Variants in ADAM22 observed in about 807,000 individuals in gnomAD.
ADAM22 encodes the protein ADAM metallopeptidase domain 22, also known as disintegrin and metalloproteinase domain-containing protein 22.
Under a neutral mutation model 144.6 loss-of-function variants are expected in ADAM22, and 65 were observed. That is an observed-to-expected ratio of 0.45 (90% confidence interval 0.37 to 0.55). The LOEUF (loss-of-function observed/expected upper bound fraction) is 0.55. Ranked by LOEUF, ADAM22 falls within the 20% of genes least tolerant of loss-of-function variation. The pLI is 0.00. For synonymous variants in ADAM22, 391 were observed against 412.6 expected, an observed-to-expected ratio of 0.95 and a Z score of 0.63; for missense variants, 974 against 1,184.9, an observed-to-expected ratio of 0.82 and a Z score of 2.61.
chr7:88,146,816 C>G (rs1398459857), intron 17 of ADAM22, among the ~76,000 whole-genome samples: 2 of 152,162 alleles, frequency 1.3e-5, no homozygotes. Context: ...TCTGTTGTTT[C>G]CACTCTACCA....
In ADAM22 at chr7:88,079,830, C is replaced by G. The variant is rs1250571444; in HGVS notation, c.390+4138C>G. On this transcript the variant is annotated intron_variant, in intron 4 of 31. Coordinates refer to ENST00000413139, the MANE Select transcript of ADAM22 (RefSeq NM_001324418.2). ...AATATATATGCACTCAATACAGGAG[C>G]ACCCAGATGCATAAAGCAAGTCCTG... Among the ~76,000 whole-genome samples, 7 of 152,264 alleles carry G rather than the reference C, an allele frequency of 4.6e-5. No individual in the cohort carries two copies. The South Asian group carries it at 1.4e-3, about 32-fold the overall frequency.
At chr7:87,969,519 G>T (rs1849931479) in intron 2 of ADAM22, among the ~76,000 whole-genome samples, 1 of 152,178 alleles carries the variant, frequency 6.6e-6, no homozygotes, top group African/African-American at 2.4e-5. Flanking sequence ...CTTTCCCAGA[G>T]CCTGGTATGA....
At chr7:87,939,384 G>T (rs1370877782) in intron 2 of ADAM22, among the ~76,000 whole-genome samples, 1 of 152,188 alleles carries the variant, frequency 6.6e-6, no homozygotes, top group East Asian at 1.9e-4. Flanking sequence ...TTCATGACTT[G>T]CTGAGGAATT....
In ADAM22 at chr7:88,051,708, A is replaced by G. The variant is rs1253833158; in HGVS notation, c.324-23918A>G. 2.1e-5 allele frequency among the ~76,000 whole-genome samples: 3 copies of G among 145,566 alleles called. No individual in the cohort carries two copies. The East Asian group carries it at 5.9e-4, about 29-fold the overall frequency. Reference sequence around the variant, plus strand: ...CAGAACTTAAAGTATAATAATAAATAAAAAAAAAAAGAATGTGGTTTTTCA... The same window carrying G: ...CAGAACTTAAAGTATAATAATAAATGAAAAAAAAAAGAATGTGGTTTTTCA... On this transcript the variant is annotated intron_variant, in intron 3 of 31. Transcript: ENST00000413139.
At chr7:88,031,916 G>A (rs895681614) in intron 3 of ADAM22, among the ~76,000 whole-genome samples, 18 of 152,238 alleles carry the variant, frequency 1.2e-4, no homozygotes, top group African/African-American at 3.9e-4. Context: ...GAGCTGCCAA[G>A]CCTTCCAGAT....
In ADAM22 at chr7:88,197,201, A is replaced by G. The variant is rs1850776927; in HGVS notation, c.*710A>G. 1 of 152,370 alleles carries G rather than the reference A, an allele frequency of 6.6e-6. No individual in the cohort carries two copies. The highest frequency in any genetic ancestry group is 2.4e-5 in the African/African-American group (1 of 41,464). The allele number at this position is 152,370 out of a possible 1,614,324, so 9.4% of individuals were successfully genotyped here. On this transcript the variant is annotated 3_prime_UTR_variant, in exon 32 of 32. Coordinates refer to ENST00000413139, the MANE Select transcript of ADAM22 (RefSeq NM_001324418.2). ...CTAAAAATTCCGTCACAATCACATC[A>G]TCGTCATCCATCCAGTGATCTTCAA...
chr7:87,944,935 G>T (rs1009381448), intron 2 of ADAM22, among the ~76,000 whole-genome samples: 1 of 137,936 alleles, frequency 7.2e-6, no homozygotes, highest in Non-Finnish European at 1.5e-5. Context: ...ATATGTGTGT[G>T]TTTTTTTCTT....
rs10527361 is a variant in ADAM22, at chr7:87,982,699, A to ATATATATATATATATATATATATATAT, written c.323+4287_323+4288insTATATATATATATATATATATATATAT. Among the ~76,000 whole-genome samples, 52 of 62,862 alleles carry ATATATATATATATATATATATATATAT rather than the reference A, an allele frequency of 8.3e-4. 2 individuals carry two copies. The highest frequency in any genetic ancestry group is 1.2e-3 in the Non-Finnish European group (40 of 34,046). 41.2% of individuals were successfully genotyped at this position (62,862 alleles called of 152,430 possible). On this transcript the variant is annotated intron_variant, in intron 3 of 31. Coordinates refer to ENST00000413139, the MANE Select transcript of ADAM22 (RefSeq NM_001324418.2). ...TATATATATATATATATATATATATAATTTTTTTTTTTGAGATACAGTTTT... is the reference window on the plus strand; with the variant it reads ...TATATATATATATATATATATATATATATATATATATATATATATATATATATATTTTTTTTTTTGAGATACAGTTTT...
chr7:88,035,363 C>T (rs1356662019), intron 3 of ADAM22, among the ~76,000 whole-genome samples: 2 of 152,202 alleles, frequency 1.3e-5, no homozygotes, highest in Admixed American at 1.3e-4. Flanking sequence ...CAGCTTATCC[C>T]ACATTTAGCA....
intron 22 of ADAM22, among the ~76,000 whole-genome samples, chr7:88,161,818 C>CA (rs1210411901): frequency 2.0e-5 from 3 of 151,862 alleles, no homozygotes; most frequent in African/African-American, 7.3e-5. Flanking sequence ...AACATGCTGG[C>CA]AAGGTCGCAG....
At chr7:87,957,548 G>T (rs1286016479) in intron 2 of ADAM22, among the ~76,000 whole-genome samples, 1 of 151,886 alleles carries the variant, frequency 6.6e-6, no homozygotes, top group Admixed American at 6.6e-5. Flanking sequence ...TCTTGCAACT[G>T]GTGTGCATCC....
In ADAM22 at chr7:88,079,005, G is replaced by A. The variant is rs548929504; in HGVS notation, c.390+3313G>A. Reference sequence around the variant, plus strand: ...CAGGAAATACAGAGAATGCCACAAAGATACTGCTCGAGAAGAGCAACTCCA... The same window carrying A: ...CAGGAAATACAGAGAATGCCACAAAAATACTGCTCGAGAAGAGCAACTCCA... On this transcript the variant is annotated intron_variant, in intron 4 of 31. Coordinates refer to ENST00000413139, the MANE Select transcript of ADAM22 (RefSeq NM_001324418.2). 9.4e-3 allele frequency among the ~76,000 whole-genome samples: 1,437 copies of A among 152,224 alleles called. 11 individuals are homozygous for A. The highest frequency in any genetic ancestry group is 0.022 in the Admixed American group (330 of 15,284).
At chr7:88,017,455 A>C (rs1386060477) in intron 3 of ADAM22, among the ~76,000 whole-genome samples, 1 of 152,170 alleles carries the variant, frequency 6.6e-6, no homozygotes, top group Non-Finnish European at 1.5e-5. Flanking sequence ...GTAACTTAAA[A>C]TACTTAAAAT....
chr7:88,038,077 A>G (rs184775233), intron 3 of ADAM22, among the ~76,000 whole-genome samples: 51 of 152,300 alleles, frequency 3.3e-4, no homozygotes, highest in African/African-American at 1.2e-3. Context: ...ACCAGACAAC[A>G]TCTTGTAATT....
chr7:87,991,523 C>T (rs530658353), intron 3 of ADAM22, among the ~76,000 whole-genome samples: 63 of 151,940 alleles, frequency 4.1e-4, no homozygotes, highest in African/African-American at 1.2e-3. Context: ...CCCGCCACCG[C>T]GCCCGGCTAA....
intron 11 of ADAM22, chr7:88,132,136 GTT>G (rs376584486): frequency 6.8e-6 from 1 of 146,864 alleles, no homozygotes; most frequent in African/African-American, 2.5e-5. Flanking sequence ...CCATCCTTCA[GTT>G]TTTTTTTTGT....
intron 3 of ADAM22, among the ~76,000 whole-genome samples, chr7:88,005,230 G>A (rs1201063414): frequency 1.3e-5 from 2 of 152,130 alleles, no homozygotes; most frequent in Non-Finnish European, 2.9e-5. Context: ...TTCCTGAGCT[G>A]GTTGCCAGGA....
In ADAM22 at chr7:88,022,862, A is replaced by G. The variant is rs115730201; in HGVS notation, c.323+44450A>G. 2.5e-3 allele frequency among the ~76,000 whole-genome samples: 380 copies of G among 152,364 alleles called. 3 individuals are homozygous for G. Among genetic ancestry groups the G allele is most frequent in the African/African-American group, 8.6e-3 (359 of 41,592 alleles). On this transcript the variant is annotated intron_variant, in intron 3 of 31. Transcript: ENST00000413139. Reference sequence around the variant, plus strand: ...TCACTAGGTAAGTTCAATAAATGATATTGTAGCAGCATTTAAAAGATTTTT... The same window carrying G: ...TCACTAGGTAAGTTCAATAAATGATGTTGTAGCAGCATTTAAAAGATTTTT...
At chr7:88,073,098 A>G (rs1813256460) in intron 3 of ADAM22, among the ~76,000 whole-genome samples, 1 of 152,200 alleles carries the variant, frequency 6.6e-6, no homozygotes. Context: ...GTAAAGAATC[A>G]TGATGGTCAA....
Sources: gnomAD v4.1 joint callset for allele counts (sites outside exome capture counted in the v4.1 genomes callset) on GRCh38, gnomAD v4.1.1 for gene constraint, MANE v1.5 for transcripts, NCBI Gene and HGNC (gene_info 2026-07-23, HGNC 2026-07-21) for gene names.